Variants in BPNT1 observed in about 807,000 individuals in gnomAD.
The protein encoded by BPNT1 is 3'(2'), 5'-bisphosphate nucleotidase 1.
In BPNT1, 28 loss-of-function variants were observed where a neutral mutation model predicts 36.9. That is an observed-to-expected ratio of 0.76 (90% CI 0.56 to 1.04). The LOEUF (loss-of-function observed/expected upper bound fraction) is 1.04, where lower values mean the gene tolerates loss of function less well. Ranked by LOEUF, BPNT1 falls within the 50% of genes least tolerant of loss-of-function variation. The pLI is 0.00. For synonymous variants in BPNT1, 119 were observed against 130.9 expected, an observed-to-expected ratio of 0.91 and a Z score of 0.62; for missense variants, 313 against 372.9, an observed-to-expected ratio of 0.84 and a Z score of 1.32.
In BPNT1 at chr1:220,062,834, T is replaced by A. The variant is rs1255092986; in HGVS notation, c.595A>T (p.Ser199Cys). The change falls in exon 7 of 9, where the codon AGC becomes TGC. Residue 199 changes from serine (S) to cysteine (C), a missense_variant. Coordinates refer to ENST00000322067, the MANE Select transcript of BPNT1 (RefSeq NM_006085.6). ...KHIITTTRSHSNKLVTDCVAA... is the reference protein window; with the variant it reads ...KHIITTTRSHCNKLVTDCVAA... The stretch of plus-strand genomic sequence containing the variant: ...ACACAGTCAGTAACCAACTTGTTGC[T>A]ATGGGATCGAGTAGTTGTGATAATG... The A allele has an allele frequency of 1.2e-6, 2 of 1,614,052 alleles. No individual in the cohort carries two copies. The highest frequency in any genetic ancestry group is 1.7e-6 in the Non-Finnish European group (2 of 1,180,032).
chr1:220,068,285 G>T (rs1663725092), intron 5 of BPNT1, among the ~76,000 whole-genome samples: 1 of 151,964 alleles, frequency 6.6e-6, no homozygotes, highest in Admixed American at 6.5e-5. Flanking sequence ...CTGGATTCAA[G>T]CAATTCTCCT....
Position 220,058,798 on chromosome 1 carries a change from G to T in BPNT1, c.*46C>A. ...CCTGCCTCGGCCTCCCAAAGTGCTG[G>T]GATTACAGGCATGAGCCACCGCGCC... On this transcript the variant is annotated 3_prime_UTR_variant, in exon 9 of 9. Coordinates refer to ENST00000322067, the MANE Select transcript of BPNT1 (RefSeq NM_006085.6). 1 of 1,579,100 alleles carries T rather than the reference G, an allele frequency of 6.3e-7. No homozygotes were observed. Among genetic ancestry groups the T allele is most frequent in the Non-Finnish European group, 8.7e-7 (1 of 1,151,102 alleles).
chr1:220,085,201 GGTA>G (rs1329698928), intron 1 of BPNT1, among the ~76,000 whole-genome samples: 2 of 152,152 alleles, frequency 1.3e-5, no homozygotes, highest in Non-Finnish European at 2.9e-5. Context: ...TGATGATACA[GGTA>G]GATTAAGAGC....
At chr1:220,069,546 T>C (rs1663858208) in intron 4 of BPNT1, 114 bp from the exon 5 acceptor site, 2 of 695,648 alleles carry the variant, frequency 2.9e-6, no homozygotes, top group Admixed American at 3.3e-5. Context: ...GTATTATGGA[T>C]GGCTTAAATT....
rs75954249 is a variant in BPNT1, at chr1:220,058,546, T to C, written c.*298A>G. 34 of 968,706 alleles carry C rather than the reference T, an allele frequency of 3.5e-5. No individual in the cohort carries two copies. Among genetic ancestry groups the C allele is most frequent in the Admixed American group, 2.7e-4 (5 of 18,234 alleles). 60.0% of individuals were successfully genotyped at this position (968,706 alleles called of 1,614,324 possible). On this transcript the variant is annotated 3_prime_UTR_variant, in exon 9 of 9. Transcript: ENST00000322067. ...TTTTTGGGTTTTTGTTTTTTTTTTT[T>C]CTGAGACAGGGCTTAACTCCTGTCA...
chr1:220,080,822 C>A (rs554017850), intron 1 of BPNT1, among the ~76,000 whole-genome samples: 2 of 152,320 alleles, frequency 1.3e-5, no homozygotes, highest in Admixed American at 6.5e-5. Flanking sequence ...TTATTTACCT[C>A]CATCTTCGTC....
chr1:220,069,066 G>A (rs768607916), intron 5 of BPNT1, among the ~76,000 whole-genome samples: 1 of 152,072 alleles, frequency 6.6e-6, no homozygotes, highest in Admixed American at 6.6e-5. Flanking sequence ...ACTCGTTATC[G>A]TTTTTCTACC....
intron 6 of BPNT1, among the ~76,000 whole-genome samples, chr1:220,066,443 T>C (rs570361697): frequency 1.7e-4 from 26 of 152,278 alleles, no homozygotes; most frequent in Middle Eastern, 3.4e-3. Flanking sequence ...TTTATAATCA[T>C]ACAAACAGCA....
chr1:220,082,085 T>TAGAGAGAGAGAG (rs3055555), intron 1 of BPNT1, among the ~76,000 whole-genome samples: 13 of 103,274 alleles, frequency 1.3e-4, no homozygotes, highest in African/African-American at 4.6e-4. Flanking sequence ...TATATATATA[T>TAGAGAGAGAGAG]AGAGAGAGAG....
At chr1:220,078,583 A>G (rs978839716) in intron 2 of BPNT1, among the ~76,000 whole-genome samples, 36 of 145,338 alleles carry the variant, frequency 2.5e-4, no homozygotes, top group Middle Eastern at 3.6e-3. Context: ...ATATATGTAT[A>G]TAATAACACA....
At chr1:220,085,191 T>C (rs1237267665) in intron 1 of BPNT1, among the ~76,000 whole-genome samples, 2 of 152,240 alleles carry the variant, frequency 1.3e-5, no homozygotes, top group Non-Finnish European at 2.9e-5. Flanking sequence ...ATTTACCTTT[T>C]GATGATACAG....
In BPNT1 at chr1:220,058,579, T is replaced by C; in HGVS notation, c.*265A>G. 1 of 870,640 alleles carries C rather than the reference T, an allele frequency of 1.1e-6. No individual in the cohort carries two copies. The highest frequency in any genetic ancestry group is 1.4e-6 in the Non-Finnish European group (1 of 696,462). 53.9% of individuals were successfully genotyped at this position (870,640 alleles called of 1,614,324 possible). A position where few individuals can be genotyped will look rare whatever the true frequency, so the allele number is the denominator to read the frequency against. On this transcript the variant is annotated 3_prime_UTR_variant, in exon 9 of 9. Coordinates refer to ENST00000322067, the MANE Select transcript of BPNT1 (RefSeq NM_006085.6). ...AGGGCTTAACTCCTGTCACTCAGGC[T>C]GGAGTGCAGTGGCACGATCTCAGCT...
rs1656126419 is a variant in BPNT1 at position 220,089,744 on chromosome 1, C to T, written c.-67G>A. ...GGAGCAAAAGCGCGTTATCGTAGAC[C>T]CAGGTCCCTCGTTGTGTCCAGTACC... On this transcript the variant is annotated 5_prime_UTR_variant, in exon 1 of 9. Transcript: ENST00000322067. 1.3e-5 allele frequency: 2 copies of T among 152,218 alleles called. No individual in the cohort carries two copies. The highest frequency in any genetic ancestry group is 1.3e-4 in the Admixed American group (2 of 15,282). 9.4% of individuals were successfully genotyped at this position (152,218 alleles called of 1,614,324 possible).
chr1:220,067,427 T>G (rs1159662844), intron 5 of BPNT1, 34 bp from the exon 6 acceptor site: 1 of 1,483,022 alleles, frequency 6.7e-7, no homozygotes. Flanking sequence ...GTTATATAAC[T>G]TGCTCATATT....
chr1:220,057,920 G>GT lies in BPNT1; in HGVS notation c.*923dup. On this transcript the variant is annotated 3_prime_UTR_variant, in exon 9 of 9. Coordinates refer to ENST00000322067, the MANE Select transcript of BPNT1 (RefSeq NM_006085.6). ...AGGCCAGGTGCGGTGGCTCACACCT[G>GT]TAATCCCAGCACTTTGGGAGTCCGA... 7 of 1,247,880 alleles carry GT rather than the reference G, an allele frequency of 5.6e-6. No homozygotes were observed. Among genetic ancestry groups the GT allele is most frequent in the Non-Finnish European group, 7.4e-6 (7 of 942,716 alleles). The allele number at this position is 1,247,880 out of a possible 1,614,324, so 77.3% of individuals were successfully genotyped here. A position where few individuals can be genotyped will look rare whatever the true frequency, so the allele number is the denominator to read the frequency against.
chr1:220,088,870 C>A lies in BPNT1; in HGVS notation c.-9+816G>T, dbSNP rs191505676. Among the ~76,000 whole-genome samples the A allele has an allele frequency of 2.8e-3, 419 of 150,826 alleles. 1 individual carries two copies. Among genetic ancestry groups the A allele is most frequent in the Non-Finnish European group, 4.4e-3 (298 of 67,794 alleles). ...ATCCCAGCACTTTGGGAGGCCGAGA[C>A]GGGCAGATCACGAGGTCAGGAGATC... On this transcript the variant is annotated intron_variant, in intron 1 of 8. Coordinates refer to ENST00000322067, the MANE Select transcript of BPNT1 (RefSeq NM_006085.6).
Position 220,059,694 on chromosome 1 carries a change from G to T in BPNT1, c.770C>A (p.Ala257Asp), listed in dbSNP as rs779384535. 5.0e-6 allele frequency: 8 copies of T among 1,605,494 alleles called. No homozygotes were observed. The Admixed American group carries it at 1.4e-4, about 28-fold the overall frequency. The change falls in exon 8 of 9, where the codon GCT (alanine) becomes GAT (aspartate). Residue 257 changes from alanine (A) to aspartate (D), a missense_variant. Coordinates refer to ENST00000322067, the MANE Select transcript of BPNT1 (RefSeq NM_006085.6). ...AAATAAAACAGACTAACCTCCCACAGCATGTAAAATAACTTCTGGAGCACA... is the reference window on the plus strand; with the variant it reads ...AAATAAAACAGACTAACCTCCCACATCATGTAAAATAACTTCTGGAGCACA... ...DTCAPEVILHAVGGKLTDIHG... is the reference protein window; with the variant it reads ...DTCAPEVILHDVGGKLTDIHG...
At chr1:220,076,599 C>T (rs1457183935) in intron 2 of BPNT1, among the ~76,000 whole-genome samples, 1 of 149,980 alleles carries the variant, frequency 6.7e-6, no homozygotes, top group Non-Finnish European at 1.5e-5. Flanking sequence ...GCAGGAGAAT[C>T]GCTTGAACCT....
intron 5 of BPNT1, 141 bp from the exon 6 acceptor site, chr1:220,067,534 G>T (rs1663648999): frequency 2.0e-6 from 1 of 487,892 alleles, no homozygotes; most frequent in East Asian, 3.8e-5. Flanking sequence ...TATTTATAGT[G>T]AAAGGCATAA....
Sources: allele counts gnomAD v4.1 joint callset (sites outside exome capture counted in the v4.1 genomes callset), GRCh38; gene constraint gnomAD v4.1.1; transcripts MANE v1.5; gene names NCBI Gene and HGNC (gene_info 2026-07-23, HGNC 2026-07-21).